The following AXDND1 variants were observed in gnomAD, a reference collection of about 807,000 sequenced individuals.
The protein encoded by AXDND1 is axonemal dynein light chain domain-containing protein 1.
In AXDND1, 110 loss-of-function variants were observed where a neutral mutation model predicts 137.5. That is an observed-to-expected ratio of 0.80 (90% CI 0.69 to 0.94). The LOEUF (loss-of-function observed/expected upper bound fraction) is 0.94, where lower values mean the gene tolerates loss of function less well. Among genes scored for constraint, AXDND1 ranks in the 40% least tolerant of loss-of-function variants. The pLI, the probability that AXDND1 is intolerant of heterozygous loss-of-function variation, is 0.00. For synonymous variants in AXDND1, 414 were observed against 399.7 expected, an observed-to-expected ratio of 1.04 and a Z score of -0.43; for missense variants, 1,191 against 1,169.8, an observed-to-expected ratio of 1.02 and a Z score of -0.26.
rs1673586400 is a variant in AXDND1, at chr1:179,553,263, A to T, written c.3032-1249A>T. ...CTAGTAATTCTACTTCTAGATACAG[A>T]CCCAAGATAATTGAAAACGTGTTCA... On this transcript the variant is annotated intron_variant, in intron 25 of 25. Coordinates refer to ENST00000367618, the MANE Select transcript of AXDND1 (RefSeq NM_144696.6). Among the ~76,000 whole-genome samples the T allele has an allele frequency of 1.3e-5, 2 of 152,366 alleles. 1 individual carries two copies. Among genetic ancestry groups the T allele is most frequent in the Admixed American group, 1.3e-4 (2 of 15,308 alleles).
Position 179,492,054 on chromosome 1 carries a change from G to T in AXDND1, c.2291+317G>T, listed in dbSNP as rs147232426. On this transcript the variant is annotated intron_variant, in intron 19 of 25. Coordinates refer to ENST00000367618, the MANE Select transcript of AXDND1 (RefSeq NM_144696.6). Reference sequence around the variant, plus strand: ...ACTGGTGAGGGAGTGGATTTAAGAAGAATATTGTAGTTTCTTGTGTACCGT... The same window carrying T: ...ACTGGTGAGGGAGTGGATTTAAGAATAATATTGTAGTTTCTTGTGTACCGT... Among the ~76,000 whole-genome samples, 4 of 152,192 alleles carry T rather than the reference G, an allele frequency of 2.6e-5. No homozygotes were observed. The East Asian group carries it at 7.7e-4, about 29-fold the overall frequency.
At chr1:179,524,396 T>C (rs1405402731) in intron 21 of AXDND1, among the ~76,000 whole-genome samples, 1 of 152,146 alleles carries the variant, frequency 6.6e-6, no homozygotes, top group African/African-American at 2.4e-5. Flanking sequence ...GACTGTCAGA[T>C]CTCTATTTTT....
chr1:179,466,205 T>C (rs1197178236), intron 16 of AXDND1, among the ~76,000 whole-genome samples: 4 of 152,026 alleles, frequency 2.6e-5, no homozygotes, highest in African/African-American at 4.8e-5. Flanking sequence ...TTGCTCACGC[T>C]GGGAGCTGTA....
intron 25 of AXDND1, chr1:179,544,300 G>A (rs551648917): frequency 2.6e-5 from 4 of 152,276 alleles, no homozygotes; most frequent in Non-Finnish European, 4.4e-5. Context: ...AGTTTCTCTC[G>A]AGAAAATAAT....
At chr1:179,377,253 A>G (rs1647423036) in intron 4 of AXDND1, among the ~76,000 whole-genome samples, 1 of 152,156 alleles carries the variant, frequency 6.6e-6, no homozygotes, top group South Asian at 2.1e-4. Context: ...ATATTTCTGT[A>G]TTGTCATTCT....
chr1:179,430,437 A>C lies in AXDND1; in HGVS notation c.1333-15A>C. The C allele has an allele frequency of 6.3e-7, 1 of 1,581,928 alleles. No individual in the cohort carries two copies. The highest frequency in any genetic ancestry group is 8.6e-7 in the Non-Finnish European group (1 of 1,165,210). The stretch of plus-strand genomic sequence containing the variant: ...ATAAATGAATATATTATTTGATTCT[A>C]TGCATTTTATATAGGACACTGAAGA... On this transcript the variant is annotated splice_polypyrimidine_tract_variant and intron_variant, in intron 13 of 25. Coordinates refer to ENST00000367618, the MANE Select transcript of AXDND1 (RefSeq NM_144696.6).
chr1:179,482,318 C>T (rs1280321009), intron 17 of AXDND1, among the ~76,000 whole-genome samples: 2 of 151,954 alleles, frequency 1.3e-5, no homozygotes, highest in Admixed American at 1.3e-4. Flanking sequence ...CCCAGACAAT[C>T]AGGGACCCAT....
intron 21 of AXDND1, among the ~76,000 whole-genome samples, chr1:179,511,100 G>C (rs1198111334): frequency 6.6e-6 from 1 of 151,804 alleles, no homozygotes; most frequent in Non-Finnish European, 1.5e-5. Context: ...CCAGGAGGTG[G>C]AGGCTGCAGT....
At chr1:179,445,637 C>T (rs1332624526) in intron 16 of AXDND1, among the ~76,000 whole-genome samples, 1 of 152,120 alleles carries the variant, frequency 6.6e-6, no homozygotes, top group Non-Finnish European at 1.5e-5. Context: ...GGTTCTTTCA[C>T]TTGGGATAAT....
intron 5 of AXDND1, 90 bp from the exon 6 acceptor site, chr1:179,379,307 C>G: frequency 7.4e-7 from 1 of 1,358,530 alleles, no homozygotes; most frequent in South Asian, 1.3e-5. Flanking sequence ...AAAATAGTAT[C>G]TCTTTAGGTT....
intron 20 of AXDND1, among the ~76,000 whole-genome samples, chr1:179,506,435 T>G (rs1225198372): frequency 6.6e-6 from 1 of 152,154 alleles, no homozygotes; most frequent in African/African-American, 2.4e-5. Flanking sequence ...CAGCTACAAT[T>G]AACTTCCTCT....
At chr1:179,484,067 A>C (rs1292543742) in intron 18 of AXDND1, among the ~76,000 whole-genome samples, 2 of 152,196 alleles carry the variant, frequency 1.3e-5, no homozygotes, top group Non-Finnish European at 2.9e-5. Context: ...AACCCTGCAC[A>C]GGGATACCAC....
At chr1:179,514,437 A>G (rs557553392) in intron 21 of AXDND1, among the ~76,000 whole-genome samples, 4 of 152,110 alleles carry the variant, frequency 2.6e-5, no homozygotes, top group African/African-American at 9.7e-5. Context: ...AGTGCTTGAT[A>G]TAATTTCAAT....
rs146229695 is a variant in AXDND1, at chr1:179,525,369, C to T, written c.2532C>T (p.Asp844=). The T allele has an allele frequency of 4.8e-5, 77 of 1,611,490 alleles. No homozygotes were observed. The highest frequency in any genetic ancestry group is 4.3e-4 in the African/African-American group (32 of 74,830). The stretch of plus-strand genomic sequence containing the variant: ...AAGAATTCATTGAGCCTGAAATAGA[C>T]GAGTCTTTTAAAGAAGATGAAGAAG... ...AVKEFIEPEI[D]ESFKEDEEES... is the part of the protein sequence containing the mutation. The change falls in exon 22 of 26, where the codon GAC becomes GAT. Residue 844 remains aspartate, a synonymous_variant. Coordinates refer to ENST00000367618, the MANE Select transcript of AXDND1 (RefSeq NM_144696.6).
intron 12 of AXDND1, among the ~76,000 whole-genome samples, chr1:179,425,529 T>TGGTTTCCTGCCAAGAAATCAACATGATGG: frequency 6.6e-6 from 1 of 152,034 alleles, no homozygotes; most frequent in Admixed American, 6.6e-5. Context: ...GCACTTGTGA[T>TGGTTTCCTGCCAAGAAATCAACATGATGG]GGTCTCCTGC....
rs1320385134 is a variant in AXDND1, at chr1:179,483,187, A to T, written c.2057A>T (p.Glu686Val). Reference sequence around the variant, plus strand: ...CAATGGCTTTTGAAGATAGGCAATGAAATTAACAACGGTAACATTGAACTT... The same window carrying T: ...CAATGGCTTTTGAAGATAGGCAATGTAATTAACAACGGTAACATTGAACTT... ...IQQWLLKIGNEINNGNIELQH... is the reference protein window; with the variant it reads ...IQQWLLKIGNVINNGNIELQH... The change falls in exon 18 of 26, where the codon GAA (glutamate) becomes GTA (valine). Residue 686 changes from glutamate (E) to valine (V), a missense_variant. Transcript: ENST00000367618. 6.2e-7 allele frequency: 1 copy of T among 1,611,104 alleles called. No individual in the cohort carries two copies. The highest frequency in any genetic ancestry group is 1.3e-5 in the African/African-American group (1 of 74,918).
chr1:179,457,839 A>C (rs1403911757), intron 16 of AXDND1, among the ~76,000 whole-genome samples: 1 of 152,180 alleles, frequency 6.6e-6, no homozygotes, highest in Non-Finnish European at 1.5e-5. Flanking sequence ...TCAGCCATGG[A>C]TACCTTGTAT....
intron 21 of AXDND1, among the ~76,000 whole-genome samples, chr1:179,512,566 G>T (rs1290582123): frequency 6.6e-6 from 1 of 152,044 alleles, no homozygotes; most frequent in African/African-American, 2.4e-5. Context: ...GGTTTCATAT[G>T]AATTTTAGAA....
intron 16 of AXDND1, chr1:179,449,046 T>C (rs10913771): frequency 0.3 from 122,500 of 407,734 alleles, 19,504 homozygotes; most frequent in African/African-American, 0.37. Flanking sequence ...CCACCACTGT[T>C]GACTAATTTT....
Sources: gnomAD v4.1 joint callset for allele counts (sites outside exome capture counted in the v4.1 genomes callset) on GRCh38, gnomAD v4.1.1 for gene constraint, MANE v1.5 for transcripts, NCBI Gene and HGNC (gene_info 2026-07-23, HGNC 2026-07-21) for gene names.